DNAH14: variants seen among roughly 807,000 people sequenced by gnomAD.
DNAH14 encodes axonemal beta dynein heavy chain 14.
Under a neutral mutation model 520.9 loss-of-function variants are expected in DNAH14, and 478 were observed. The ratio of observed to expected loss-of-function variants is 0.92; its 90% CI spans 0.85 to 0.99. DNAH14 has a LOEUF of 0.99. Ranked by LOEUF, DNAH14 falls within the 50% of genes least tolerant of loss-of-function variation. The pLI is 0.00. For synonymous variants in DNAH14, 1,581 were observed against 1,757.2 expected, an observed-to-expected ratio of 0.90 and a Z score of 2.51; for missense variants, 4,831 against 5,234.5, an observed-to-expected ratio of 0.92 and a Z score of 2.38.
intron 82 of DNAH14, among the ~76,000 whole-genome samples, 159 bp from the exon 83 acceptor site, chr1:225,389,575 C>A (rs1317458976): frequency 2.6e-5 from 4 of 152,216 alleles, no homozygotes; most frequent in African/African-American, 9.7e-5. Flanking sequence ...GAGCTTAAAA[C>A]CATAGCTGGC....
chr1:225,231,126 G>T lies in DNAH14; in HGVS notation c.6493G>T (p.Val2165Phe). ...GGAGGCAAATTCCCAAAGAGAGTCT[G>T]TCACATTCAAGGATATAGAAAAGAG... is the stretch of plus-strand genomic sequence containing the variant. ...SKEANSQRES[V>F]TFKDIEKRDE... is the part of the protein sequence containing the mutation. The change falls in exon 42 of 86, where the codon GTC becomes TTC. Residue 2165 changes from valine (V) to phenylalanine (F), a missense_variant. Coordinates refer to ENST00000682510, the MANE Select transcript of DNAH14 (RefSeq NM_001367479.1). 1 of 1,547,272 alleles carries T rather than the reference G, an allele frequency of 6.5e-7. No individual in the cohort carries two copies.
intron 71 of DNAH14, among the ~76,000 whole-genome samples, chr1:225,351,232 A>G (rs2095362088): frequency 1.3e-5 from 2 of 152,044 alleles, no homozygotes; most frequent in South Asian, 4.1e-4. Context: ...CATGGCAAAA[A>G]ACACAAAAAT....
In DNAH14 at chr1:225,367,857, G is replaced by T; in HGVS notation, c.12143G>T (p.Gly4048Val). The change falls in exon 77 of 86, where the codon GGA becomes GTA. Residue 4048 changes from glycine (G) to valine (V), a missense_variant. Transcript: ENST00000682510. ...GLKSNLLQTFGCTGSGEVTEE... is the reference protein window; with the variant it reads ...GLKSNLLQTFVCTGSGEVTEE... ...AAAAGTAACTTACTTCAGACATTTG[G>T]ATGTACTGGGAGTGGAGAGGTAACA... The T allele has an allele frequency of 6.4e-7, 1 of 1,551,580 alleles. No homozygotes were observed. The highest frequency in any genetic ancestry group is 1.2e-5 in the South Asian group (1 of 84,062).
chr1:225,141,168 G>A, intron 28 of DNAH14, 147 bp downstream of exon 28: 1 of 732,620 alleles, frequency 1.4e-6, no homozygotes, highest in Non-Finnish European at 2.1e-6. Flanking sequence ...ACCAATCTGA[G>A]TATATTAGTC....
At chr1:225,270,328 G>C (rs1383485151) in intron 49 of DNAH14, among the ~76,000 whole-genome samples, 2 of 137,004 alleles carry the variant, frequency 1.5e-5, no homozygotes, top group Non-Finnish European at 3.1e-5. Flanking sequence ...GTTGTGGGGT[G>C]GGGGGAGGGG....
intron 10 of DNAH14, among the ~76,000 whole-genome samples, chr1:225,010,462 A>G (rs181178004): frequency 1.3e-5 from 2 of 152,232 alleles, no homozygotes; most frequent in Non-Finnish European, 2.9e-5. Flanking sequence ...ATCTTGGTGG[A>G]TAAGCTTTTT....
At chr1:225,349,886 A>C (rs999278011) in intron 71 of DNAH14, among the ~76,000 whole-genome samples, 4 of 152,192 alleles carry the variant, frequency 2.6e-5, no homozygotes, top group Admixed American at 1.3e-4. Context: ...ATAGCGAATA[A>C]AACAATGAAA....
At chr1:225,002,581 C>A (rs759263196) in intron 8 of DNAH14, among the ~76,000 whole-genome samples, 4 of 152,036 alleles carry the variant, frequency 2.6e-5, no homozygotes, top group Non-Finnish European at 5.9e-5. Context: ...TCTTATTCAA[C>A]ACACCTAGTC....
chr1:225,246,911 A>G (rs181341781), intron 43 of DNAH14, among the ~76,000 whole-genome samples: 23 of 152,352 alleles, frequency 1.5e-4, no homozygotes, highest in Admixed American at 1.4e-3. Flanking sequence ...ATTCTACTAT[A>G]AAGAAACATG....
intron 30 of DNAH14, among the ~76,000 whole-genome samples, chr1:225,146,838 G>A (rs2079992577): frequency 6.6e-6 from 1 of 152,206 alleles, no homozygotes; most frequent in African/African-American, 2.4e-5. Context: ...TCCGTCAGAA[G>A]CTGTGGCCCT....
chr1:225,170,074 G>C (rs1213341902), intron 36 of DNAH14, among the ~76,000 whole-genome samples: 10 of 152,278 alleles, frequency 6.6e-5, no homozygotes, highest in Admixed American at 3.9e-4. Context: ...AATGCTGAGA[G>C]ATTTTGTCAC....
chr1:225,360,970 A>G (rs537558038), intron 75 of DNAH14, 79 bp downstream of exon 75: 145 of 1,306,422 alleles, frequency 1.1e-4, no homozygotes, highest in Non-Finnish European at 1.0e-4. Context: ...GTCAATGTAT[A>G]CTGTGTGTAA....
rs748227057 is a variant in DNAH14, at chr1:225,346,493, G to A, written c.11135G>A (p.Cys3712Tyr). The stretch of plus-strand genomic sequence containing the variant: ...GCTCTATTTAATGAAGATAAACTTT[G>A]CTTCTCTTTTCGGCTTTGCACTGTA... The part of the protein sequence containing the change: ...SSALFNEDKL[C>Y]FSFRLCTVIM... The change falls in exon 71 of 86, where the codon TGC (cysteine) becomes TAC (tyrosine). Residue 3712 changes from cysteine to tyrosine, a missense_variant. Cys to Tyr is a radical substitution (Grantham distance 194). Transcript: ENST00000682510. 3 of 1,550,876 alleles carry A rather than the reference G, an allele frequency of 1.9e-6. No individual in the cohort carries two copies. The East Asian group carries it at 7.3e-5, about 38-fold the overall frequency.
intron 8 of DNAH14, among the ~76,000 whole-genome samples, chr1:225,001,052 AG>A (rs755690889): frequency 1.3e-5 from 2 of 151,638 alleles, no homozygotes; most frequent in Non-Finnish European, 2.9e-5. Flanking sequence ...ATCGAATAAA[AG>A]TTTCTGTCAT....
intron 17 of DNAH14, among the ~76,000 whole-genome samples, chr1:225,058,162 G>T (rs1385105404): frequency 6.6e-6 from 1 of 152,078 alleles, no homozygotes; most frequent in African/African-American, 2.4e-5. Context: ...TCTGGTCCTG[G>T]ACTTTTTTTG....
chr1:225,100,510 TTG>T (rs1395443394), intron 22 of DNAH14, among the ~76,000 whole-genome samples: 1 of 152,210 alleles, frequency 6.6e-6, no homozygotes, highest in South Asian at 2.1e-4. Context: ...ATGATGGTTG[TTG>T]TGTCTAATTT....
At chr1:224,971,114 T>C (rs2061478712) in intron 7 of DNAH14, among the ~76,000 whole-genome samples, 1 of 152,230 alleles carries the variant, frequency 6.6e-6, no homozygotes, top group Admixed American at 6.5e-5. Context: ...AGTTTTAAGG[T>C]ACATTATGTT....
intron 8 of DNAH14, among the ~76,000 whole-genome samples, chr1:224,991,727 C>G (rs2063065729): frequency 6.6e-6 from 1 of 152,106 alleles, no homozygotes; most frequent in South Asian, 2.1e-4. Flanking sequence ...AGGGTGTGAT[C>G]TTGTTCCTTT....
intron 84 of DNAH14, among the ~76,000 whole-genome samples, chr1:225,394,825 CAG>C (rs1343000686): frequency 1.4e-5 from 2 of 142,874 alleles, no homozygotes; most frequent in African/African-American, 2.6e-5. Flanking sequence ...GCCTGGGTGA[CAG>C]AGAGAGACTC....
Sources: gnomAD v4.1 joint callset for allele counts (sites outside exome capture counted in the v4.1 genomes callset) on GRCh38, gnomAD v4.1.1 for gene constraint, MANE v1.5 for transcripts, NCBI Gene and HGNC (gene_info 2026-07-23, HGNC 2026-07-21) for gene names.